ACBD6: variants seen among roughly 807,000 people sequenced by gnomAD.
The protein encoded by ACBD6 is acyl-CoA-binding domain-containing protein 6.
Under a neutral mutation model 37.2 loss-of-function variants are expected in ACBD6, and 28 were observed. That is an observed-to-expected ratio of 0.75 (90% confidence interval 0.56 to 1.03). The LOEUF (loss-of-function observed/expected upper bound fraction) is 1.03, where lower values mean the gene tolerates loss of function less well. ACBD6 is among the 50% of genes least tolerant of loss of function. The probability of loss-of-function intolerance (pLI) is 0.00; values close to 1 mark genes in which losing one functional copy is unlikely to be tolerated. For missense variants in ACBD6, 340 were observed against 337.4 expected, an observed-to-expected ratio of 1.01 and a Z score of -0.06; for synonymous variants, 113 against 126.8, an observed-to-expected ratio of 0.89 and a Z score of 0.73.
chr1:180,471,445 T>C (rs1650562581), intron 3 of ACBD6, among the ~76,000 whole-genome samples: 1 of 144,574 alleles, frequency 6.9e-6, no homozygotes, highest in South Asian at 2.3e-4. Context: ...GAAGGAGATA[T>C]GAATTAGTCT....
intron 3 of ACBD6, among the ~76,000 whole-genome samples, chr1:180,473,634 T>C (rs934176563): frequency 1.3e-5 from 2 of 152,112 alleles, no homozygotes; most frequent in Non-Finnish European, 2.9e-5. Flanking sequence ...TTTAAAAAAT[T>C]GAGGCAATAT....
intron 6 of ACBD6, among the ~76,000 whole-genome samples, chr1:180,376,497 C>G (rs1653440751): frequency 6.6e-6 from 1 of 152,050 alleles, no homozygotes; most frequent in Non-Finnish European, 1.5e-5. Context: ...TACTATGCAG[C>G]TGTAAATAAA....
At chr1:180,369,626 TA>T (rs530005500) in intron 6 of ACBD6, among the ~76,000 whole-genome samples, 4 of 151,890 alleles carry the variant, frequency 2.6e-5, no homozygotes, top group Admixed American at 6.6e-5. Context: ...AATGTTAAAA[TA>T]AAAAAAATTT....
intron 7 of ACBD6, among the ~76,000 whole-genome samples, chr1:180,306,281 CAAACA>C (rs1650367952): frequency 6.6e-6 from 1 of 151,414 alleles, no homozygotes; most frequent in African/African-American, 2.4e-5. Context: ...CCAACCAAAC[CAAACA>C]AAACAAAAAA....
chr1:180,467,030 T>G (rs1379651033), intron 3 of ACBD6, among the ~76,000 whole-genome samples: 2 of 152,188 alleles, frequency 1.3e-5, no homozygotes, highest in African/African-American at 4.8e-5. Context: ...GACTCTAGTA[T>G]AGTTTTCTAT....
At chr1:180,472,484 T>C (rs1220641320) in intron 3 of ACBD6, among the ~76,000 whole-genome samples, 3 of 152,144 alleles carry the variant, frequency 2.0e-5, no homozygotes, top group African/African-American at 4.8e-5. Flanking sequence ...TAAATTTCCA[T>C]GGAAGACACT....
intron 4 of ACBD6, among the ~76,000 whole-genome samples, chr1:180,426,405 T>C (rs1423316116): frequency 2.6e-5 from 4 of 152,196 alleles, no homozygotes. Flanking sequence ...AGCAATTTCT[T>C]GTATATGTAG....
chr1:180,299,589 C>T (rs899007325), intron 7 of ACBD6, among the ~76,000 whole-genome samples: 1 of 151,630 alleles, frequency 6.6e-6, no homozygotes, highest in African/African-American at 2.4e-5. Flanking sequence ...TTTATTTTCA[C>T]TCTAATGCCT....
chr1:180,282,599 GT>G (rs747701818), intron 8 of ACBD6, among the ~76,000 whole-genome samples: 13 of 152,120 alleles, frequency 8.5e-5, no homozygotes, highest in Non-Finnish European at 1.9e-4. Flanking sequence ...ATCCTTGAAG[GT>G]TGCCTCCTCA....
intron 6 of ACBD6, among the ~76,000 whole-genome samples, chr1:180,375,270 T>G (rs1404852467): frequency 2.0e-5 from 3 of 151,850 alleles, no homozygotes; most frequent in Non-Finnish European, 4.4e-5. Context: ...AGTCCAAAAT[T>G]AAACCCCAAA....
chr1:180,468,130 T>A (rs1355615183), intron 3 of ACBD6, among the ~76,000 whole-genome samples: 3 of 152,166 alleles, frequency 2.0e-5, no homozygotes, highest in African/African-American at 7.2e-5. Flanking sequence ...TATGGACCAA[T>A]GTAGCTCAGA....
chr1:180,391,991 A>G (rs1055485703), intron 6 of ACBD6, among the ~76,000 whole-genome samples: 4 of 152,180 alleles, frequency 2.6e-5, no homozygotes, highest in African/African-American at 7.2e-5. Flanking sequence ...CAATTGATAC[A>G]TGTAACATGA....
intron 6 of ACBD6, among the ~76,000 whole-genome samples, chr1:180,377,223 G>A (rs1423780509): frequency 6.6e-6 from 1 of 152,116 alleles, no homozygotes; most frequent in African/African-American, 2.4e-5. Flanking sequence ...TATAATCAAA[G>A]TATCAGTGTA....
intron 6 of ACBD6, among the ~76,000 whole-genome samples, chr1:180,352,410 T>C (rs1429729853): frequency 6.6e-6 from 1 of 152,064 alleles, no homozygotes; most frequent in Non-Finnish European, 1.5e-5. Flanking sequence ...GATTGGTCTC[T>C]TACTCCTGAC....
chr1:180,322,222 T>C (rs1651101575), intron 6 of ACBD6, among the ~76,000 whole-genome samples: 1 of 152,186 alleles, frequency 6.6e-6, no homozygotes, highest in African/African-American at 2.4e-5. Flanking sequence ...AACTTGGTTA[T>C]GATGAGTGAT....
intron 6 of ACBD6, among the ~76,000 whole-genome samples, chr1:180,384,793 C>T (rs1247797302): frequency 6.6e-6 from 1 of 152,086 alleles, no homozygotes; most frequent in African/African-American, 2.4e-5. Flanking sequence ...ATGTGGTATG[C>T]ATACACAATG....
At position 180,271,931 on chromosome 1, in the gene ACBD6, C is replaced by T. The variant is rs764098704; in HGVS notation, c.*1294G>A. 63 of 1,613,000 alleles carry T rather than the reference C, an allele frequency of 3.9e-5. No homozygotes were observed. Among genetic ancestry groups the T allele is most frequent in the South Asian group, 4.4e-5 (4 of 91,040 alleles). ...GTTCTATAAGAGCGTCAAGAGGAGCCGGGGCAGCAGCAAGCAGGAGAAGGA... is the reference window on the plus strand; with the variant it reads ...GTTCTATAAGAGCGTCAAGAGGAGCTGGGGCAGCAGCAAGCAGGAGAAGGA... On this transcript the variant is annotated 3_prime_UTR_variant, in exon 14 of 14. Coordinates refer to the ACBD6 transcript ENST00000642319.
chr1:180,446,998 C>T (rs1043687472), intron 3 of ACBD6, among the ~76,000 whole-genome samples: 7 of 151,996 alleles, frequency 4.6e-5, no homozygotes, highest in Non-Finnish European at 1.0e-4. Flanking sequence ...CTGAGATAAC[C>T]CCCGACAGTC....
rs76628978 is a variant in ACBD6, at chr1:180,410,715, G to A, written c.573+2651C>T. Among the ~76,000 whole-genome samples, 829 of 151,912 alleles carry A rather than the reference G, an allele frequency of 5.5e-3. 7 individuals are homozygous for A. Among genetic ancestry groups the A allele is most frequent in the African/African-American group, 0.019 (783 of 41,452 alleles). ...ATTACTGCTCATTGACAATGTGCTT[G>A]GTCATCCAAGAGTGCTCATGGAAAT... On this transcript the variant is annotated intron_variant, in intron 5 of 7. Coordinates refer to ENST00000367595, the MANE Select transcript of ACBD6 (RefSeq NM_032360.4).
Sources: gnomAD v4.1 joint callset for allele counts (sites outside exome capture counted in the v4.1 genomes callset) on GRCh38, gnomAD v4.1.1 for gene constraint, MANE v1.5 for transcripts, NCBI Gene and HGNC (gene_info 2026-07-23, HGNC 2026-07-21) for gene names.